SLC25A12: variants seen among roughly 807,000 people sequenced by gnomAD.
SLC25A12 encodes the protein electrogenic aspartate/glutamate antiporter SLC25A12, mitochondrial.
SLC25A12 carries 32 observed loss-of-function variants against 83.3 expected under a neutral mutation model. The observed-to-expected ratio is 0.38, with a 90% CI of 0.29 to 0.52. The LOEUF (loss-of-function observed/expected upper bound fraction) is 0.52. Ranked by LOEUF, SLC25A12 falls within the 20% of genes least tolerant of loss-of-function variation. The pLI, the probability that SLC25A12 is intolerant of heterozygous loss-of-function variation, is 0.84. For missense variants in SLC25A12, 611 were observed against 835.6 expected, an observed-to-expected ratio of 0.73 and a Z score of 3.31; for synonymous variants, 267 against 291.1, an observed-to-expected ratio of 0.92 and a Z score of 0.84.
intron 8 of SLC25A12, among the ~76,000 whole-genome samples, chr2:171,830,795 G>A (rs1228646545): frequency 5.3e-5 from 8 of 152,160 alleles, no homozygotes; most frequent in African/African-American, 7.2e-5. Flanking sequence ...TTACAGGTGT[G>A]AGCCACCACA....
intron 2 of SLC25A12, among the ~76,000 whole-genome samples, chr2:171,884,908 T>C (rs934343980): frequency 1.3e-5 from 2 of 151,894 alleles, no homozygotes; most frequent in African/African-American, 4.8e-5. Context: ...TGGTACATAG[T>C]AGGCAATTAA....
intron 3 of SLC25A12, 46 bp downstream of exon 3, chr2:171,868,635 T>C: frequency 6.3e-7 from 1 of 1,593,844 alleles, no homozygotes; most frequent in Non-Finnish European, 8.6e-7. Flanking sequence ...TTTTTAACAA[T>C]ATATTCCAGA....
chr2:171,860,585 G>C (rs992267245), intron 3 of SLC25A12, among the ~76,000 whole-genome samples: 4 of 152,050 alleles, frequency 2.6e-5, no homozygotes, highest in African/African-American at 4.8e-5. Context: ...CTGAGTAACA[G>C]AGACACACTC....
chr2:171,892,383 G>A (rs531146336), intron 2 of SLC25A12, among the ~76,000 whole-genome samples: 9 of 151,926 alleles, frequency 5.9e-5, no homozygotes, highest in Non-Finnish European at 8.8e-5. Context: ...CCACCACCAC[G>A]CCCGGCTAAT....
At chr2:171,811,385 G>A (rs3770455) in intron 11 of SLC25A12, among the ~76,000 whole-genome samples, 31,638 of 152,104 alleles carry the variant, frequency 0.21, 4,051 homozygotes, top group East Asian at 0.56. Context: ...TCTAACCCTC[G>A]TGATTATCAG....
intron 15 of SLC25A12, chr2:171,788,196 AT>A: frequency 2.3e-6 from 1 of 432,566 alleles, no homozygotes; most frequent in Non-Finnish European, 4.1e-6. Flanking sequence ...ATGATCCCAA[AT>A]AACTGTGAGA....
At chr2:171,810,175 T>TA in intron 12 of SLC25A12, 49 bp downstream of exon 12, 3 of 1,533,230 alleles carry the variant, frequency 2.0e-6, no homozygotes, top group Admixed American at 1.7e-5. Context: ...CTTTTTGGCT[T>TA]AATGGTAATC....
At chr2:171,822,016 A>G (rs1684203934) in intron 9 of SLC25A12, among the ~76,000 whole-genome samples, 1 of 152,182 alleles carries the variant, frequency 6.6e-6, no homozygotes, top group Admixed American at 6.5e-5. Flanking sequence ...TTCCTTGTTG[A>G]ATATCCATCA....
intron 2 of SLC25A12, among the ~76,000 whole-genome samples, chr2:171,886,450 T>G (rs1321538286): frequency 2.0e-5 from 3 of 151,090 alleles, no homozygotes; most frequent in Admixed American, 6.6e-5. Context: ...CTAGGCTGTT[T>G]TTTTTTTTTT....
At chr2:171,848,145 TG>T in intron 4 of SLC25A12, 1 of 470,898 alleles carries the variant, frequency 2.1e-6, no homozygotes. Flanking sequence ...CTACTGGTCT[TG>T]TTCACCTTTC....
chr2:171,801,907 CTGTGTGTGTGTGTGTGTGTGTG>C (rs3058854), intron 13 of SLC25A12, among the ~76,000 whole-genome samples: 2 of 145,400 alleles, frequency 1.4e-5, no homozygotes, highest in African/African-American at 2.6e-5. Context: ...ATATCTGGAT[CTGTGTGTGTGTGTGTGTGTGTG>C]TGTGTGTGTG....
At chr2:171,787,536 G>C in intron 17 of SLC25A12, 35 bp downstream of exon 17, 2 of 1,476,296 alleles carry the variant, frequency 1.4e-6, no homozygotes, top group Middle Eastern at 1.7e-4. Context: ...TGGACTTAGT[G>C]ATTTCTTTGT....
At chr2:171,799,731 A>C (rs138489533) in intron 13 of SLC25A12, among the ~76,000 whole-genome samples, 37 of 152,340 alleles carry the variant, frequency 2.4e-4, no homozygotes, top group South Asian at 8.3e-4. Context: ...TGCCTCACCG[A>C]GGTCTTGTGC....
intron 8 of SLC25A12, among the ~76,000 whole-genome samples, chr2:171,827,207 A>AT (rs1684320652): frequency 6.6e-6 from 1 of 152,208 alleles, no homozygotes; most frequent in South Asian, 2.1e-4. Flanking sequence ...AAGGATACCT[A>AT]TCTAAAGGAC....
chr2:171,861,103 TAATAAA>T (rs987664201), intron 3 of SLC25A12, among the ~76,000 whole-genome samples: 5 of 150,580 alleles, frequency 3.3e-5, no homozygotes, highest in African/African-American at 1.2e-4. Flanking sequence ...AAAATAATAA[TAATAAA>T]AATAAAAATA....
At chr2:171,797,483 A>C (rs1229545754) in intron 13 of SLC25A12, among the ~76,000 whole-genome samples, 2 of 152,208 alleles carry the variant, frequency 1.3e-5, no homozygotes, top group Non-Finnish European at 2.9e-5. Flanking sequence ...AGCTGGGAGA[A>C]ATAATTTTCA....
At position 171,861,146 on chromosome 2, in the gene SLC25A12, ATC is replaced by A. The variant is rs1685151029; in HGVS notation, c.210-5199_210-5198del. 4.0e-5 allele frequency among the ~76,000 whole-genome samples: 6 copies of A among 151,442 alleles called. No individual in the cohort carries two copies. In the South Asian group the frequency reaches 1.0e-3, roughly 26 times the overall value. Reference sequence around the variant, plus strand: ...ATAATAAAATAATAATAATAATATAATCTCTGTGGTAGTCTAGGTGGTAGATA... The same window carrying A: ...ATAATAAAATAATAATAATAATATAATCTGTGGTAGTCTAGGTGGTAGATA... On this transcript the variant is annotated intron_variant, in intron 3 of 17. Coordinates refer to ENST00000422440, the MANE Select transcript of SLC25A12 (RefSeq NM_003705.5).
At chr2:171,785,755 A>G (rs1690476927) in intron 17 of SLC25A12, among the ~76,000 whole-genome samples, 1 of 152,198 alleles carries the variant, frequency 6.6e-6, no homozygotes, top group Non-Finnish European at 1.5e-5. Context: ...AAGAAAAGAC[A>G]CTCAAATATG....
chr2:171,827,071 C>T (rs1684317896), intron 8 of SLC25A12, among the ~76,000 whole-genome samples, 189 bp from the exon 9 acceptor site: 2 of 151,974 alleles, frequency 1.3e-5, no homozygotes, highest in South Asian at 4.1e-4. Context: ...AAGCAAAAGA[C>T]TCCAGAGAAA....
Sources: allele counts gnomAD v4.1 joint callset (sites outside exome capture counted in the v4.1 genomes callset), GRCh38; gene constraint gnomAD v4.1.1; transcripts MANE v1.5; gene names NCBI Gene and HGNC (gene_info 2026-07-23, HGNC 2026-07-21).